Variants in DCLK3 observed in about 807,000 individuals in gnomAD.
DCLK3 encodes serine/threonine-protein kinase DCLK3.
DCLK3 carries 30 observed loss-of-function variants against 46.4 expected under a neutral mutation model. That is an observed-to-expected ratio of 0.65 (90% CI 0.48 to 0.88). DCLK3 has a LOEUF of 0.88. Among genes scored for constraint, DCLK3 ranks in the 40% least tolerant of loss-of-function variants. The pLI is 0.00. For synonymous variants in DCLK3, 401 were observed against 339.2 expected, an observed-to-expected ratio of 1.18 and a Z score of -2.00; for missense variants, 846 against 907.1, an observed-to-expected ratio of 0.93 and a Z score of 0.87.
Position 36,738,614 on chromosome 3 carries a change from C to A in DCLK3, c.553G>T (p.Glu185Ter). The change falls in exon 2 of 5, where the codon GAA (glutamate) becomes TAA (stop). Residue 185 changes from glutamate to a stop codon, truncating the protein, a stop_gained. Transcript: ENST00000636136. LOFTEE classifies it high-confidence loss of function. ...CGGGCTTTGTTGGGGTACAGTTCTTCTACAGCCACCTGAATGCTCTTCAGT... is the reference window on the plus strand; with the variant it reads ...CGGGCTTTGTTGGGGTACAGTTCTTATACAGCCACCTGAATGCTCTTCAGT... Reference protein sequence around the residue: ...LTLKSIQVAVEELYPNKARAL... With the variant: ...LTLKSIQVAV 1 of 1,371,214 alleles carries A rather than the reference C, an allele frequency of 7.3e-7. No individual in the cohort carries two copies. The highest frequency in any genetic ancestry group is 9.5e-7 in the Non-Finnish European group (1 of 1,056,384). The allele number at this position is 1,371,214 out of a possible 1,614,324, so 84.9% of individuals were successfully genotyped here.
At chr3:36,739,871 C>T (rs1050166440) in intron 1 of DCLK3, 4 of 152,186 alleles carry the variant, frequency 2.6e-5, no homozygotes, top group African/African-American at 9.7e-5. Flanking sequence ...CAGGAACATT[C>T]TAGAACTTTG....
chr3:36,755,848 A>C (rs189850221), intron 1 of DCLK3, among the ~76,000 whole-genome samples: 90 of 152,274 alleles, frequency 5.9e-4, no homozygotes, highest in African/African-American at 2.0e-3. Flanking sequence ...TCCCAGTGTA[A>C]ACCTAGCAGC....
chr3:36,740,577 C>T (rs1385579187), intron 1 of DCLK3, among the ~76,000 whole-genome samples: 1 of 152,194 alleles, frequency 6.6e-6, no homozygotes, highest in Non-Finnish European at 1.5e-5. Context: ...TGAGAATGTA[C>T]ATGAATAAAA....
At chr3:36,759,357 CAG>C (rs1701517970) in intron 1 of DCLK3, among the ~76,000 whole-genome samples, 2 of 152,162 alleles carry the variant, frequency 1.3e-5, no homozygotes, top group Admixed American at 1.3e-4. Context: ...CCAGACGAGC[CAG>C]AGAGACACTC....
chr3:36,753,432 C>G (rs1036603849), intron 1 of DCLK3, among the ~76,000 whole-genome samples: 3 of 152,154 alleles, frequency 2.0e-5, no homozygotes, highest in Non-Finnish European at 4.4e-5. Flanking sequence ...TTACCTAGCC[C>G]TCTGCACCTC....
Position 36,760,118 on chromosome 3 carries a change from G to A in DCLK3, c.82+4064C>T, listed in dbSNP as rs142246712. ...GTTTGATCCATTATCTACCCAGTAG[G>A]AACATCCTACTCAACAGCAGCAATT... On this transcript the variant is annotated intron_variant, in intron 1 of 4. Coordinates refer to ENST00000636136, the MANE Select transcript of DCLK3 (RefSeq NM_001394672.2). Among the ~76,000 whole-genome samples the A allele has an allele frequency of 3.1e-3, 465 of 152,224 alleles. 4 individuals carry two copies. The highest frequency in any genetic ancestry group is 0.017 in the Middle Eastern group (5 of 294).
At chr3:36,746,750 G>A (rs1701396885) in intron 1 of DCLK3, among the ~76,000 whole-genome samples, 1 of 152,228 alleles carries the variant, frequency 6.6e-6, no homozygotes, top group South Asian at 2.1e-4. Flanking sequence ...GGATCCTGCT[G>A]AAGTGGTTAA....
rs750948825 is a variant in DCLK3 at position 36,713,072 on chromosome 3, TG to T, written c.*2255del. 2 of 152,274 alleles carry T rather than the reference TG, an allele frequency of 1.3e-5. No homozygotes were observed. The highest frequency in any genetic ancestry group is 2.9e-5 in the Non-Finnish European group (2 of 68,048). The allele number at this position is 152,274 out of a possible 1,614,324, so 9.4% of individuals were successfully genotyped here. On this transcript the variant is annotated 3_prime_UTR_variant, in exon 5 of 5. Transcript: ENST00000636136. The stretch of plus-strand genomic sequence containing the variant: ...AATGTACGGGAAGTTCCAGTCACTC[TG>T]CATCCTCGCTAGTAGTTGGTAAGGT...
intron 2 of DCLK3, among the ~76,000 whole-genome samples, chr3:36,734,576 T>G (rs1701237507): frequency 6.6e-6 from 1 of 152,190 alleles, no homozygotes; most frequent in African/African-American, 2.4e-5. Context: ...TACACATATA[T>G]ATATGGACTT....
chr3:36,733,172 A>G (rs1427685398), intron 2 of DCLK3, among the ~76,000 whole-genome samples: 2 of 152,094 alleles, frequency 1.3e-5, no homozygotes, highest in African/African-American at 4.8e-5. Flanking sequence ...CACCATCACC[A>G]CCACCATCTC....
rs189935641 is a variant in DCLK3 at position 36,734,736 on chromosome 3, T to A, written c.1959+2472A>T. 3.2e-3 allele frequency among the ~76,000 whole-genome samples: 480 copies of A among 151,842 alleles called. 5 individuals are homozygous for A. Among genetic ancestry groups the A allele is most frequent in the African/African-American group, 7.7e-3 (318 of 41,462 alleles). On this transcript the variant is annotated intron_variant, in intron 2 of 4. Coordinates refer to ENST00000636136, the MANE Select transcript of DCLK3 (RefSeq NM_001394672.2). ...TTCTCTCTCTGTCTCTCTCTCTCTC[T>A]CACACACACACAATTCCATTGCCCC...
At chr3:36,735,350 T>C (rs1440655570) in intron 2 of DCLK3, among the ~76,000 whole-genome samples, 1 of 152,148 alleles carries the variant, frequency 6.6e-6, no homozygotes, top group Non-Finnish European at 1.5e-5. Context: ...AAAAATGAAA[T>C]TGTTCAAAGA....
At chr3:36,740,118 A>ATTTC (rs1701328356) in intron 1 of DCLK3, among the ~76,000 whole-genome samples, 1 of 128,562 alleles carries the variant, frequency 7.8e-6, no homozygotes, top group Non-Finnish European at 1.7e-5. Flanking sequence ...AATTATTTGC[A>ATTTC]TTTCTTTTTT....
At chr3:36,717,983 G>T in intron 4 of DCLK3, 27 bp downstream of exon 4, 1 of 1,613,768 alleles carries the variant, frequency 6.2e-7, no homozygotes, top group Non-Finnish European at 8.5e-7. Flanking sequence ...CCGCTCCTCT[G>T]CTGTGTGAGG....
In DCLK3 at chr3:36,720,803, G is replaced by A. The variant is rs558870186; in HGVS notation, c.2092+724C>T. The stretch of plus-strand genomic sequence containing the variant: ...ATTACAGGCATGAGCCACCATCCCT[G>A]GCCATCTCCTCATCTTAATTATCCT... On this transcript the variant is annotated intron_variant, in intron 3 of 4. Coordinates refer to ENST00000636136, the MANE Select transcript of DCLK3 (RefSeq NM_001394672.2). 9.2e-5 allele frequency among the ~76,000 whole-genome samples: 14 copies of A among 152,096 alleles called. No homozygotes were observed. In the South Asian group the frequency reaches 2.7e-3, roughly 29 times the overall value.
chr3:36,743,623 C>T lies in DCLK3; in HGVS notation c.83-4539G>A, dbSNP rs115017065. Among the ~76,000 whole-genome samples, 727 of 152,314 alleles carry T rather than the reference C, an allele frequency of 4.8e-3. 6 individuals are homozygous for T. Among genetic ancestry groups the T allele is most frequent in the East Asian group, 0.016 (81 of 5,186 alleles). On this transcript the variant is annotated intron_variant, in intron 1 of 4. Coordinates refer to ENST00000636136, the MANE Select transcript of DCLK3 (RefSeq NM_001394672.2). ...GCAAAATAAATTGACCTGGACTTGACAAAACTGCTGCTTCTACTTCATTAC... is the reference window on the plus strand; with the variant it reads ...GCAAAATAAATTGACCTGGACTTGATAAAACTGCTGCTTCTACTTCATTAC...
intron 2 of DCLK3, among the ~76,000 whole-genome samples, chr3:36,736,515 T>C (rs1448081225): frequency 6.6e-6 from 1 of 152,224 alleles, no homozygotes; most frequent in Non-Finnish European, 1.5e-5. Context: ...AAGAATGGCA[T>C]AGCTGAGATA....
chr3:36,738,602 G>A lies in DCLK3; in HGVS notation c.565C>T (p.Pro189Ser). 7.2e-7 allele frequency: 1 copy of A among 1,385,082 alleles called. No homozygotes were observed. The highest frequency in any genetic ancestry group is 2.1e-5 in the South Asian group (1 of 47,320). 85.8% of individuals were successfully genotyped at this position (1,385,082 alleles called of 1,614,324 possible). A position where few individuals can be genotyped will look rare whatever the true frequency, so the allele number is the denominator to read the frequency against. Reference protein sequence around the residue: ...SIQVAVEELYPNKARALTLAQ... With the variant: ...SIQVAVEELYSNKARALTLAQ... ...AGTGTCAGGGCCCGGGCTTTGTTGG[G>A]GTACAGTTCTTCTACAGCCACCTGA... Residue 189 changes from proline (P) to serine (S), a missense_variant, in exon 2 of 5, where the codon CCC becomes TCC. Physicochemically the swap from Pro to Ser is moderately conservative, Grantham distance 74. Transcript: ENST00000636136.
At chr3:36,749,653 T>A (rs1288765793) in intron 1 of DCLK3, among the ~76,000 whole-genome samples, 1 of 152,110 alleles carries the variant, frequency 6.6e-6, no homozygotes, top group Non-Finnish European at 1.5e-5. Flanking sequence ...AGATGAGGGG[T>A]CAGTCTAATA....
Sources: allele counts gnomAD v4.1 joint callset (sites outside exome capture counted in the v4.1 genomes callset), GRCh38; gene constraint gnomAD v4.1.1; transcripts MANE v1.5; gene names NCBI Gene and HGNC (gene_info 2026-07-23, HGNC 2026-07-21).